Variants in PIEZO1 observed in about 807,000 individuals in gnomAD.
PIEZO1 encodes piezo type mechanosensitive ion channel component 1 (Er blood group), also known as piezo-type mechanosensitive ion channel component 1.
In PIEZO1, 296 loss-of-function variants were observed where a neutral mutation model predicts 297.2. The ratio of observed to expected loss-of-function variants is 1.00; its 90% CI spans 0.91 to 1.10. PIEZO1 has a LOEUF of 1.10. Ranked by LOEUF, PIEZO1 falls within the 50% of genes least tolerant of loss-of-function variation. The pLI is 0.00. For synonymous variants in PIEZO1, 2,427 were observed against 1,507.5 expected, an observed-to-expected ratio of 1.61 and a Z score of -14.13; for missense variants, 5,018 against 3,455.5, an observed-to-expected ratio of 1.45 and a Z score of -11.34.
chr16:88,722,519 G>A lies in PIEZO1; in HGVS notation c.4775+64C>T, dbSNP rs901558822. 3 of 1,435,836 alleles carry A rather than the reference G, an allele frequency of 2.1e-6. No homozygotes were observed. In the South Asian group the frequency reaches 4.0e-5, roughly 19 times the overall value. 88.9% of individuals were successfully genotyped at this position (1,435,836 alleles called of 1,614,324 possible). A position where few individuals can be genotyped will look rare whatever the true frequency, so the allele number is the denominator to read the frequency against. ...GTACAAGGGAATGGCGAGGGTCGGGGATGGCTAGGCGATGCCCACACACCA... is the reference window on the plus strand; with the variant it reads ...GTACAAGGGAATGGCGAGGGTCGGGAATGGCTAGGCGATGCCCACACACCA... On this transcript the variant is annotated intron_variant, in intron 35 of 50. Transcript: ENST00000301015.
chr16:88,775,785 C>T (rs1202391445), intron 1 of PIEZO1, among the ~76,000 whole-genome samples: 1 of 151,120 alleles, frequency 6.6e-6, no homozygotes, highest in Non-Finnish European at 1.5e-5. Context: ...ACAGGAGTGG[C>T]AGCCAAGGGT....
In PIEZO1 at chr16:88,721,853, C is replaced by G. The variant is rs1436635750; in HGVS notation, c.5169G>C (p.Pro1723=). 7 of 1,549,552 alleles carry G rather than the reference C, an allele frequency of 4.5e-6. No individual in the cohort carries two copies. The highest frequency in any genetic ancestry group is 1.2e-5 in the South Asian group (1 of 84,052). ...LVFLWAMLSI[P]RPSKRFWMTA... is the part of the protein sequence containing the mutation. ...TCATCCAGAAGCGCTTGCTGGGCCT[C>G]GGGATCGACAGCATGGCCCACAGGA... The change falls in exon 37 of 51, where the codon CCG becomes CCC. Residue 1723 remains proline, a synonymous_variant. Coordinates refer to ENST00000301015, the MANE Select transcript of PIEZO1 (RefSeq NM_001142864.4).
chr16:88,753,564 C>T (rs534440282), intron 1 of PIEZO1, among the ~76,000 whole-genome samples: 4 of 152,210 alleles, frequency 2.6e-5, no homozygotes, highest in African/African-American at 9.6e-5. Context: ...AGGAGCACTC[C>T]TCCAATGCTC....
At chr16:88,765,515 C>T (rs1458469750) in intron 1 of PIEZO1, among the ~76,000 whole-genome samples, 1 of 152,188 alleles carries the variant, frequency 6.6e-6, no homozygotes, top group African/African-American at 2.4e-5. Flanking sequence ...GGCACCTGTA[C>T]CAGAACCATC....
intron 1 of PIEZO1, among the ~76,000 whole-genome samples, chr16:88,754,299 C>G (rs893259126): frequency 1.3e-5 from 2 of 152,170 alleles, no homozygotes; most frequent in Non-Finnish European, 2.9e-5. Flanking sequence ...GGGTGCTGGC[C>G]AGGAAAGCCA....
intron 44 of PIEZO1, 44 bp downstream of exon 44, chr16:88,719,530 A>G (rs1476798275): frequency 6.6e-7 from 1 of 1,512,748 alleles, no homozygotes; most frequent in Non-Finnish European, 9.0e-7. Context: ...GGGAGAGGGC[A>G]TATCCCTGGC....
At position 88,715,842 on chromosome 16, in the gene PIEZO1, C is replaced by G; in HGVS notation, c.7329G>C (p.Leu2443=). The G allele has an allele frequency of 1.3e-6, 2 of 1,550,104 alleles. No individual in the cohort carries two copies. Among genetic ancestry groups the G allele is most frequent in the Non-Finnish European group, 1.7e-6 (2 of 1,146,862 alleles). ...GFLAGYGIMG[L]YVSIVLVIGK... ...CGATGACCAGCACGATGGACACGTA[C>G]AGCCCCATGATGCTGCGGGGGAAGC... Residue 2443 remains leucine, a synonymous_variant, in exon 51 of 51, where the codon CTG becomes CTC. Transcript: ENST00000301015.
intron 1 of PIEZO1, among the ~76,000 whole-genome samples, chr16:88,771,714 G>C (rs1373225870): frequency 6.6e-6 from 1 of 152,176 alleles, no homozygotes; most frequent in African/African-American, 2.4e-5. Flanking sequence ...CCGACGTCCA[G>C]ATGCCCGTCC....
rs1402376088 is a variant in PIEZO1 at position 88,723,979 on chromosome 16, C to T, written c.4235-8G>A. The T allele has an allele frequency of 2.7e-6, 4 of 1,506,632 alleles. No homozygotes were observed. Among genetic ancestry groups the T allele is most frequent in the South Asian group, 1.2e-5 (1 of 83,132 alleles). The allele number at this position is 1,506,632 out of a possible 1,614,324, so 93.3% of individuals were successfully genotyped here. A position where few individuals can be genotyped will look rare whatever the true frequency, so the allele number is the denominator to read the frequency against. On this transcript the variant is annotated splice_polypyrimidine_tract_variant and splice_region_variant and intron_variant, in intron 30 of 50. Coordinates refer to ENST00000301015, the MANE Select transcript of PIEZO1 (RefSeq NM_001142864.4). ...AGTCCCCGGAGTGGATGACTGTGGG[C>T]AGGCAGCACTGAGAGCCAGCCTTCC... is the stretch of plus-strand genomic sequence containing the variant.
chr16:88,778,697 G>C (rs1306730176), intron 1 of PIEZO1, among the ~76,000 whole-genome samples: 1 of 152,318 alleles, frequency 6.6e-6, no homozygotes, highest in South Asian at 2.1e-4. Flanking sequence ...CACACAGGAA[G>C]GGTCCCTGCA....
chr16:88,726,767 T>G lies in PIEZO1; in HGVS notation c.3647A>C (p.Asp1216Ala). 1 of 1,549,954 alleles carries G rather than the reference T, an allele frequency of 6.5e-7. No homozygotes were observed. Among genetic ancestry groups the G allele is most frequent in the Non-Finnish European group, 8.7e-7 (1 of 1,146,820 alleles). Residue 1216 changes from aspartate (D) to alanine (A), a missense_variant, in exon 25 of 51, where the codon GAC (aspartate) becomes GCC (alanine). Asp to Ala is a moderately radical substitution (Grantham distance 126, BLOSUM62 -2). Coordinates refer to ENST00000301015, the MANE Select transcript of PIEZO1 (RefSeq NM_001142864.4). ...GGTGACGTTGTACAGAATGAGGCAG[T>G]CCCACAGCACGAGGCGGGCCCGTGT... ...RDTRARLVLW[D>A]CLILYNVTVI...
intron 29 of PIEZO1, 46 bp from the exon 30 acceptor site, chr16:88,725,126 G>A (rs770575417): frequency 7.3e-6 from 10 of 1,361,724 alleles, no homozygotes; most frequent in Non-Finnish European, 3.0e-6. Flanking sequence ...AAGCCACCAG[G>A]AGGGGTCGGG....
intron 1 of PIEZO1, among the ~76,000 whole-genome samples, chr16:88,779,020 CT>C (rs1907805562): frequency 2.0e-5 from 3 of 148,206 alleles, no homozygotes; most frequent in Non-Finnish European, 3.0e-5. Flanking sequence ...GGAATTTAAT[CT>C]GATTTACGAC....
intron 3 of PIEZO1, 22 bp from the exon 4 acceptor site, chr16:88,742,117 C>A (rs895690344): frequency 1.3e-6 from 2 of 1,535,518 alleles, no homozygotes; most frequent in Admixed American, 2.0e-5. Context: ...GACGGGGGAA[C>A]CCAGGTCAGG....
rs776215874 is a variant in PIEZO1, at chr16:88,736,252, C to T, written c.1453G>A (p.Ala485Thr). 1 of 1,550,104 alleles carries T rather than the reference C, an allele frequency of 6.5e-7. No individual in the cohort carries two copies. The highest frequency in any genetic ancestry group is 1.2e-5 in the South Asian group (1 of 84,058). ...GGCAGCTCAGGGCGCAGGTCCATGGCCCACACGTAGCGTAGGCAGCACAGC... is the reference window on the plus strand; with the variant it reads ...GGCAGCTCAGGGCGCAGGTCCATGGTCCACACGTAGCGTAGGCAGCACAGC... Reference protein sequence around the residue: ...MTLCCLRYVWAMDLRPELPTT... With the variant: ...MTLCCLRYVWTMDLRPELPTT... Residue 485 changes from alanine (A) to threonine (T), a missense_variant, in exon 12 of 51, where the codon GCC becomes ACC. By Grantham distance (58) the Ala-to-Thr change is moderately conservative. Coordinates refer to ENST00000301015, the MANE Select transcript of PIEZO1 (RefSeq NM_001142864.4).
intron 31 of PIEZO1, among the ~76,000 whole-genome samples, chr16:88,723,638 A>C (rs1011529727): frequency 5.3e-5 from 8 of 152,260 alleles, no homozygotes; most frequent in African/African-American, 1.9e-4. Flanking sequence ...CAGCCACCAG[A>C]ACCTGGGTGG....
rs1191362689 is a variant in PIEZO1, at chr16:88,738,755, G to C, written c.466-19C>G. ...CATCATCCTGCCAAGGTCACGGACA[G>C]GGGCAAGGTCAGGTGTATCGCACTG... On this transcript the variant is annotated intron_variant, in intron 5 of 50. Coordinates refer to ENST00000301015, the MANE Select transcript of PIEZO1 (RefSeq NM_001142864.4). 6 of 1,522,678 alleles carry C rather than the reference G, an allele frequency of 3.9e-6. No individual in the cohort carries two copies. The highest frequency in any genetic ancestry group is 5.3e-6 in the Non-Finnish European group (6 of 1,136,764). 94.3% of individuals were successfully genotyped at this position (1,522,678 alleles called of 1,614,324 possible).
At chr16:88,755,300 C>G (rs4782347) in intron 1 of PIEZO1, among the ~76,000 whole-genome samples, 78,834 of 152,104 alleles carry the variant, frequency 0.52, 20,755 homozygotes, top group African/African-American at 0.61. Context: ...CCCCGGGTCT[C>G]GGAATGCCTC....
At chr16:88,764,177 G>C (rs1453088305) in intron 1 of PIEZO1, among the ~76,000 whole-genome samples, 2 of 152,202 alleles carry the variant, frequency 1.3e-5, no homozygotes, top group African/African-American at 2.4e-5. Context: ...AAGCTGCGGA[G>C]GGTGGGGCGG....
Sources: allele counts gnomAD v4.1 joint callset (sites outside exome capture counted in the v4.1 genomes callset), GRCh38; gene constraint gnomAD v4.1.1; transcripts MANE v1.5; gene names NCBI Gene and HGNC (gene_info 2026-07-23, HGNC 2026-07-21).